LRRC75A: variants seen among roughly 807,000 people sequenced by gnomAD.
LRRC75A encodes the protein leucine rich repeat containing 75A.
A neutral mutation model predicts 26.0 loss-of-function variants in LRRC75A; 12 were observed. The ratio of observed to expected loss-of-function variants is 0.46; its 90% CI spans 0.30 to 0.75. LRRC75A has a LOEUF of 0.75. Ranked by LOEUF, LRRC75A falls within the 30% of genes least tolerant of loss-of-function variation. The pLI, the probability that LRRC75A is intolerant of heterozygous loss-of-function variation, is 0.08. For synonymous variants in LRRC75A, 223 were observed against 219.3 expected (o/e 1.02, Z -0.15); for missense variants, 410 against 486.6 (o/e 0.84, Z 1.48).
intron 1 of LRRC75A, among the ~76,000 whole-genome samples, chr17:16,468,410 A>G (rs894200925): frequency 6.6e-6 from 1 of 152,274 alleles, no homozygotes; most frequent in African/African-American, 2.4e-5. Context: ...ATGCTACAGC[A>G]TGGTGAACCT....
intron 1 of LRRC75A, among the ~76,000 whole-genome samples, chr17:16,474,292 G>A (rs2093814515): frequency 6.6e-6 from 1 of 152,212 alleles, no homozygotes; most frequent in Non-Finnish European, 1.5e-5. Flanking sequence ...TCCAGAGTTG[G>A]AGAGGGCAGC....
rs376085158 is a variant in LRRC75A at position 16,451,389 on chromosome 17, G to A, written c.376-3429C>T. ...TAATCCCAGCACGTTGGGAGGCCAAGGTGGATGGATCACCTGAGGTCAGGA... is the reference window on the plus strand; with the variant it reads ...TAATCCCAGCACGTTGGGAGGCCAAAGTGGATGGATCACCTGAGGTCAGGA... On this transcript the variant is annotated intron_variant, in intron 2 of 3. Coordinates refer to ENST00000470794, the MANE Select transcript of LRRC75A (RefSeq NM_001113567.3). Among the ~76,000 whole-genome samples the A allele has an allele frequency of 1.6e-4, 24 of 152,276 alleles. No homozygotes were observed. The East Asian group carries it at 4.3e-3, about 27-fold the overall frequency.
Position 16,492,111 on chromosome 17 carries a change from G to C in LRRC75A, c.-121C>G, listed in dbSNP as rs1235799640. 5 of 899,940 alleles carry C rather than the reference G, an allele frequency of 5.6e-6. No individual in the cohort carries two copies. The highest frequency in any genetic ancestry group is 5.8e-5 in the Admixed American group (1 of 17,098). The allele number at this position is 899,940 out of a possible 1,614,324, so 55.7% of individuals were successfully genotyped here. ...GGGCTGCAACTTTGGGGGAACTGTT[G>C]CGCGCGGGCGTCGCGGGGGCGGGCG... On this transcript the variant is annotated 5_prime_UTR_variant, in exon 1 of 4. Coordinates refer to ENST00000470794, the MANE Select transcript of LRRC75A (RefSeq NM_001113567.3).
chr17:16,488,903 C>T (rs891243777), intron 1 of LRRC75A, among the ~76,000 whole-genome samples: 9 of 152,122 alleles, frequency 5.9e-5, no homozygotes, highest in South Asian at 2.1e-4. Flanking sequence ...TTCAGCCCAC[C>T]GTGAACTGCC....
intron 1 of LRRC75A, among the ~76,000 whole-genome samples, chr17:16,488,828 C>T (rs755946993): frequency 7.2e-5 from 11 of 152,308 alleles, no homozygotes; most frequent in East Asian, 3.9e-4. Flanking sequence ...GCTGGAGAGA[C>T]GCCCTCCAAA....
chr17:16,459,750 G>A (rs777944544), intron 2 of LRRC75A, among the ~76,000 whole-genome samples: 3 of 152,148 alleles, frequency 2.0e-5, no homozygotes, highest in Non-Finnish European at 4.4e-5. Context: ...TGACCAGGAT[G>A]TCCTGGTCAG....
intron 1 of LRRC75A, among the ~76,000 whole-genome samples, chr17:16,485,654 G>GTC (rs879844078): frequency 0.035 from 4,642 of 131,170 alleles, 94 homozygotes; most frequent in Non-Finnish European, 0.054. Context: ...GTGTGTGTGT[G>GTC]TGTGTGTGTG....
chr17:16,491,143 C>T lies in LRRC75A; in HGVS notation c.246+602G>A, dbSNP rs1286443837. On this transcript the variant is annotated intron_variant, in intron 1 of 3. Coordinates refer to ENST00000470794, the MANE Select transcript of LRRC75A (RefSeq NM_001113567.3). The surrounding 1 kb of genome is among the most constrained non-coding windows in gnomAD (Gnocchi z 5.9). ...AGGGCACCAAATCCAGCTCCCCTGTCTCTACCGCTTTCCGCAGGGGCTCAT... is the reference window on the plus strand; with the variant it reads ...AGGGCACCAAATCCAGCTCCCCTGTTTCTACCGCTTTCCGCAGGGGCTCAT... Among the ~76,000 whole-genome samples, 3 of 152,266 alleles carry T rather than the reference C, an allele frequency of 2.0e-5. No individual in the cohort carries two copies. The highest frequency in any genetic ancestry group is 4.4e-5 in the Non-Finnish European group (3 of 68,048).
At chr17:16,451,957 G>A (rs575750554) in intron 2 of LRRC75A, among the ~76,000 whole-genome samples, 1 of 151,100 alleles carries the variant, frequency 6.6e-6, no homozygotes, top group Non-Finnish European at 1.5e-5. Flanking sequence ...CTGTGTTAGC[G>A]AGGATGGTCT....
Position 16,462,432 on chromosome 17 carries a change from C to A in LRRC75A, c.247-46G>T. The A allele has an allele frequency of 6.2e-7, 1 of 1,609,548 alleles. No homozygotes were observed. Among genetic ancestry groups the A allele is most frequent in the South Asian group, 1.1e-5 (1 of 90,800 alleles). On this transcript the variant is annotated intron_variant, in intron 1 of 3. Coordinates refer to ENST00000470794, the MANE Select transcript of LRRC75A (RefSeq NM_001113567.3). The surrounding 1 kb of genome is among the most constrained non-coding windows in gnomAD (Gnocchi z 4.6). ...CAGAGGTCAGGGCTGGCTGCCCACC[C>A]AGCTCGCCCACCATCCCCAAGAGAA...
Position 16,491,361 on chromosome 17 carries a change from G to T in LRRC75A, c.246+384C>A, listed in dbSNP as rs956846369. Among the ~76,000 whole-genome samples the T allele has an allele frequency of 6.6e-6, 1 of 152,218 alleles. No individual in the cohort carries two copies. The highest frequency in any genetic ancestry group is 2.4e-5 in the African/African-American group (1 of 41,458). On this transcript the variant is annotated intron_variant, in intron 1 of 3. Coordinates refer to ENST00000470794, the MANE Select transcript of LRRC75A (RefSeq NM_001113567.3). The surrounding 1 kb of genome is among the most constrained non-coding windows in gnomAD (Gnocchi z 5.9). ...TAACCGCATTCCTTGAGGACCCTCG[G>T]CCGGGAGTGACTGCCAGTGGGCAGA...
intron 1 of LRRC75A, among the ~76,000 whole-genome samples, chr17:16,470,109 T>C (rs2093799011): frequency 6.6e-6 from 1 of 152,270 alleles, no homozygotes; most frequent in South Asian, 2.1e-4. Context: ...TCCAGTGTGC[T>C]GAGTGTTTGT....
chr17:16,491,425 C>A lies in LRRC75A; in HGVS notation c.246+320G>T, dbSNP rs937637516. ...GCCCTGGCCCAGATCAGGCAGGCAT[C>A]CCTGCTTCCCCGCCCACCGACTGTC... is the stretch of plus-strand genomic sequence containing the variant. On this transcript the variant is annotated intron_variant, in intron 1 of 3. Coordinates refer to ENST00000470794, the MANE Select transcript of LRRC75A (RefSeq NM_001113567.3). The surrounding 1 kb of genome is among the most constrained non-coding windows in gnomAD (Gnocchi z 5.9). 6.6e-6 allele frequency among the ~76,000 whole-genome samples: 1 copy of A among 152,210 alleles called. No individual in the cohort carries two copies. Among genetic ancestry groups the A allele is most frequent in the South Asian group, 2.1e-4 (1 of 4,830 alleles).
intron 1 of LRRC75A, among the ~76,000 whole-genome samples, chr17:16,485,536 C>T (rs2093844308): frequency 6.6e-6 from 1 of 152,124 alleles, no homozygotes; most frequent in Admixed American, 6.5e-5. Flanking sequence ...TAAGTATCTG[C>T]TGTTTATAAG....
At chr17:16,451,845 C>T (rs1472202916) in intron 2 of LRRC75A, among the ~76,000 whole-genome samples, 6 of 150,394 alleles carry the variant, frequency 4.0e-5, no homozygotes, top group Admixed American at 2.0e-4. Context: ...CCCGGGTTCA[C>T]GCCATTCTCC....
chr17:16,485,579 C>G (rs919255053), intron 1 of LRRC75A, among the ~76,000 whole-genome samples: 3 of 150,220 alleles, frequency 2.0e-5, no homozygotes, highest in African/African-American at 7.5e-5. Context: ...TTATAGCAGC[C>G]GGAAAGGACT....
chr17:16,479,666 G>C (rs2093829083), intron 1 of LRRC75A, among the ~76,000 whole-genome samples: 1 of 152,200 alleles, frequency 6.6e-6, no homozygotes. Context: ...CAAGTCCTTG[G>C]TTTTCCTGGG....
intron 1 of LRRC75A, among the ~76,000 whole-genome samples, chr17:16,467,249 G>A (rs1228930407): frequency 6.6e-6 from 1 of 152,186 alleles, no homozygotes; most frequent in Non-Finnish European, 1.5e-5. Flanking sequence ...GAACTCCTGG[G>A]CTCAAGTGAT....
At position 16,492,109 on chromosome 17, in the gene LRRC75A, T is replaced by C. The variant is rs1178792824; in HGVS notation, c.-119A>G. The C allele has an allele frequency of 1.1e-6, 1 of 910,834 alleles. No homozygotes were observed. The highest frequency in any genetic ancestry group is 1.8e-5 in the African/African-American group (1 of 55,024). 56.4% of individuals were successfully genotyped at this position (910,834 alleles called of 1,614,324 possible). On this transcript the variant is annotated 5_prime_UTR_variant, in exon 1 of 4. Coordinates refer to ENST00000470794, the MANE Select transcript of LRRC75A (RefSeq NM_001113567.3). ...CCGGGCTGCAACTTTGGGGGAACTGTTGCGCGCGGGCGTCGCGGGGGCGGG... is the reference window on the plus strand; with the variant it reads ...CCGGGCTGCAACTTTGGGGGAACTGCTGCGCGCGGGCGTCGCGGGGGCGGG...
Sources: allele counts gnomAD v4.1 joint callset (sites outside exome capture counted in the v4.1 genomes callset), GRCh38; gene constraint gnomAD v4.1.1; non-coding constraint Gnocchi (gnomAD v3.1); transcripts MANE v1.5; gene names NCBI Gene and HGNC (gene_info 2026-07-23, HGNC 2026-07-21).